FRAS1: variants seen among roughly 807,000 people sequenced by gnomAD.
FRAS1 encodes the protein Fraser extracellular matrix complex subunit 1.
In FRAS1, 290 loss-of-function variants were observed where a neutral mutation model predicts 435.2. The observed-to-expected ratio is 0.67, with a 90% confidence interval of 0.61 to 0.73. The LOEUF is 0.73. Among genes scored for constraint, FRAS1 ranks in the 30% least tolerant of loss-of-function variants. The pLI is 0.00. For missense variants in FRAS1, 4,860 were observed against 5,001.5 expected, an observed-to-expected ratio of 0.97 and a Z score of 0.85; for synonymous variants, 1,800 against 1,851.0, an observed-to-expected ratio of 0.97 and a Z score of 0.71.
intron 59 of FRAS1, among the ~76,000 whole-genome samples, chr4:78,489,983 A>G (rs1021450430): frequency 6.7e-6 from 1 of 149,438 alleles, no homozygotes; most frequent in African/African-American, 2.5e-5. Context: ...AAAAAAAAAA[A>G]AAAAGAAAAG....
intron 20 of FRAS1, among the ~76,000 whole-genome samples, chr4:78,341,862 A>T (rs367340): frequency 3.3e-5 from 5 of 151,828 alleles, no homozygotes; most frequent in African/African-American, 7.3e-5. Flanking sequence ...AGGAGGTTAA[A>T]CGTATAAATT....
At chr4:78,403,004 A>G (rs1460438462) in intron 30 of FRAS1, among the ~76,000 whole-genome samples, 5 of 152,194 alleles carry the variant, frequency 3.3e-5, no homozygotes, top group Non-Finnish European at 7.3e-5. Context: ...TCACTTGGTT[A>G]AAGTGGTGTC....
At chr4:78,152,607 C>CTTTT (rs71214398) in intron 2 of FRAS1, among the ~76,000 whole-genome samples, 1,742 of 72,294 alleles carry the variant, frequency 0.024, 7 homozygotes, top group Non-Finnish European at 0.029. Context: ...ATGTAGGCTG[C>CTTTT]TTTTTTTTTT....
At chr4:78,391,143 G>A (rs1732428812) in intron 29 of FRAS1, among the ~76,000 whole-genome samples, 1 of 152,194 alleles carries the variant, frequency 6.6e-6, no homozygotes, top group Non-Finnish European at 1.5e-5. Context: ...AGCCCTTGGG[G>A]CACCTCTGTG....
intron 2 of FRAS1, among the ~76,000 whole-genome samples, chr4:78,156,861 C>T (rs989521589): frequency 6.6e-6 from 1 of 152,138 alleles, no homozygotes; most frequent in East Asian, 1.9e-4. Context: ...GGATGGAAGA[C>T]CCCTGTTGTG....
intron 2 of FRAS1, among the ~76,000 whole-genome samples, chr4:78,198,724 C>A (rs1320906293): frequency 1.3e-5 from 2 of 152,166 alleles, no homozygotes; most frequent in Non-Finnish European, 2.9e-5. Flanking sequence ...ACAAGGCCAA[C>A]CCCTCCTCTT....
intron 14 of FRAS1, among the ~76,000 whole-genome samples, chr4:78,289,483 A>G (rs553783049): frequency 6.6e-6 from 1 of 152,294 alleles, no homozygotes; most frequent in Admixed American, 6.5e-5. Context: ...CTGTTTTTAT[A>G]TGAACCTAAA....
chr4:78,104,933 A>AGGTG (rs1443033927), intron 2 of FRAS1, among the ~76,000 whole-genome samples: 4 of 152,240 alleles, frequency 2.6e-5, no homozygotes, highest in Non-Finnish European at 4.4e-5. Flanking sequence ...CTCTCAGACA[A>AGGTG]GGTGTTCAGC....
At chr4:78,271,430 CA>C (rs1364573302) in intron 9 of FRAS1, among the ~76,000 whole-genome samples, 3 of 143,574 alleles carry the variant, frequency 2.1e-5, no homozygotes, top group African/African-American at 9.0e-5. Context: ...CGTCATTTAG[CA>C]TTAGGTATAT....
At position 78,513,378 on chromosome 4, in the gene FRAS1, CT is replaced by C. The variant is rs746435231; in HGVS notation, c.10014-9del. 9.3e-6 allele frequency: 15 copies of C among 1,612,878 alleles called. No homozygotes were observed. The highest frequency in any genetic ancestry group is 5.5e-5 in the South Asian group (5 of 90,962). Reference sequence around the variant, plus strand: ...CAGTCAGCTAAACATTTATTTCTGCCTTTTTCCCCCTAGAATCCACATTTCG... The same window carrying C: ...CAGTCAGCTAAACATTTATTTCTGCCTTTTCCCCCTAGAATCCACATTTCG... On this transcript the variant is annotated splice_polypyrimidine_tract_variant and intron_variant, in intron 64 of 73. Coordinates refer to ENST00000512123, the MANE Select transcript of FRAS1 (RefSeq NM_025074.7).
rs372090748 is a variant in FRAS1, at chr4:78,456,156, T to C, written c.6763+3802T>C. On this transcript the variant is annotated intron_variant, in intron 47 of 73. Coordinates refer to ENST00000512123, the MANE Select transcript of FRAS1 (RefSeq NM_025074.7). ...CATGTCACTTTTTTTTTTTTTTTTT[T>C]TTTTTGAGACGGAGTCTCACTCTGT... 1.3e-3 allele frequency among the ~76,000 whole-genome samples: 159 copies of C among 118,092 alleles called. 1 individual carries two copies. The highest frequency in any genetic ancestry group is 2.3e-3 in the Non-Finnish European group (123 of 53,752). 77.5% of individuals were successfully genotyped at this position (118,092 alleles called of 152,430 possible). A position where few individuals can be genotyped will look rare whatever the true frequency, so the allele number is the denominator to read the frequency against.
Position 78,263,997 on chromosome 4 carries a change from G to A in FRAS1, c.604-1028G>A, listed in dbSNP as rs567677412. On this transcript the variant is annotated intron_variant, in intron 6 of 73. Transcript: ENST00000512123. ...TCTTGTTCTTGCAGCATGAATACCAGAGTAACAATGACAATAAAATTGTGT... is the reference window on the plus strand; with the variant it reads ...TCTTGTTCTTGCAGCATGAATACCAAAGTAACAATGACAATAAAATTGTGT... Among the ~76,000 whole-genome samples, 6 of 152,262 alleles carry A rather than the reference G, an allele frequency of 3.9e-5. No individual in the cohort carries two copies. In the South Asian group the frequency reaches 8.3e-4, roughly 21 times the overall value.
At chr4:78,432,330 G>C (rs114555894) in intron 37 of FRAS1, 27 bp from the exon 38 acceptor site, 11 of 1,565,766 alleles carry the variant, frequency 7.0e-6, no homozygotes, top group Non-Finnish European at 9.5e-6. Flanking sequence ...GAAGCAACTC[G>C]TTTGCAATTT....
chr4:78,446,035 G>T (rs1030620596), intron 42 of FRAS1: 65 of 1,216,612 alleles, frequency 5.3e-5, no homozygotes, highest in Middle Eastern at 6.5e-4. Flanking sequence ...CTGAAATTGT[G>T]TTTGGTTCTA....
At chr4:78,441,318 G>T (rs1460375941) in intron 41 of FRAS1, 21 bp downstream of exon 41, 2 of 1,603,216 alleles carry the variant, frequency 1.2e-6, no homozygotes, top group Non-Finnish European at 1.7e-6. Context: ...CTGTAAAACT[G>T]TTAAGGACCT....
At chr4:78,415,987 T>C (rs1388079697) in intron 32 of FRAS1, among the ~76,000 whole-genome samples, 1 of 152,156 alleles carries the variant, frequency 6.6e-6, no homozygotes, top group Non-Finnish European at 1.5e-5. Flanking sequence ...TGCATGTTCA[T>C]TGTAGCATTA....
chr4:78,403,322 C>T lies in FRAS1; in HGVS notation c.4129+2435C>T, dbSNP rs565570665. 5.9e-5 allele frequency among the ~76,000 whole-genome samples: 9 copies of T among 152,176 alleles called. 1 individual carries two copies. Among genetic ancestry groups the T allele is most frequent in the Non-Finnish European group, 1.2e-4 (8 of 68,004 alleles). ...TGCCATTTCAGTTTGATAAATATCA[C>T]GTATGCTTTATTGTGATGCTTTCCT... On this transcript the variant is annotated intron_variant, in intron 30 of 73. Coordinates refer to ENST00000512123, the MANE Select transcript of FRAS1 (RefSeq NM_025074.7).
intron 2 of FRAS1, among the ~76,000 whole-genome samples, chr4:78,236,404 C>G (rs1352789479): frequency 2.6e-5 from 4 of 151,690 alleles, no homozygotes; most frequent in Non-Finnish European, 2.9e-5. Flanking sequence ...GTGATGATTT[C>G]TGAGATTTTG....
At chr4:78,439,733 C>A (rs1388140186) in intron 40 of FRAS1, among the ~76,000 whole-genome samples, 1 of 152,140 alleles carries the variant, frequency 6.6e-6, no homozygotes, top group Non-Finnish European at 1.5e-5. Context: ...TGGGCTCAAG[C>A]AATCCTCCCC....
Sources: gnomAD v4.1 joint callset for allele counts (sites outside exome capture counted in the v4.1 genomes callset) on GRCh38, gnomAD v4.1.1 for gene constraint, MANE v1.5 for transcripts, NCBI Gene and HGNC (gene_info 2026-07-23, HGNC 2026-07-21) for gene names.